Variants in ADCY2 observed in about 807,000 individuals in gnomAD.
The protein encoded by ADCY2 is adenylate cyclase type 2.
In ADCY2, 31 loss-of-function variants were observed where a neutral mutation model predicts 125.2. The observed-to-expected ratio is 0.25, with a 90% CI of 0.19 to 0.33. The LOEUF (loss-of-function observed/expected upper bound fraction) is 0.33, where lower values mean the gene tolerates loss of function less well. Among genes scored for constraint, ADCY2 ranks in the 10% least tolerant of loss-of-function variants. The pLI is 1.00. For synonymous variants in ADCY2, 512 were observed against 548.4 expected (o/e 0.93, Z 0.93); for missense variants, 904 against 1,418.2 (o/e 0.64, Z 5.82).
intron 4 of ADCY2, among the ~76,000 whole-genome samples, chr5:7,675,229 T>C (rs982763266): frequency 1.3e-5 from 2 of 151,912 alleles, no homozygotes; most frequent in African/African-American, 2.4e-5. Flanking sequence ...TATAGGGAAG[T>C]TCTACCCAAT....
At chr5:7,424,492 C>T (rs1023851971) in intron 2 of ADCY2, among the ~76,000 whole-genome samples, 6 of 152,216 alleles carry the variant, frequency 3.9e-5, no homozygotes, top group Admixed American at 6.5e-5. Context: ...CTAGGGTGTC[C>T]CCCTCCTGTT....
chr5:7,726,639 A>G (rs777407368), intron 13 of ADCY2, among the ~76,000 whole-genome samples: 9 of 152,196 alleles, frequency 5.9e-5, no homozygotes, highest in Non-Finnish European at 1.3e-4. Flanking sequence ...GCCAGCTAAG[A>G]ACCAAGTTGG....
chr5:7,617,645 A>G (rs2126650081), intron 3 of ADCY2, among the ~76,000 whole-genome samples: 1 of 152,300 alleles, frequency 6.6e-6, no homozygotes, highest in East Asian at 1.9e-4. Context: ...AAAATAATAC[A>G]TGTTCTCTGA....
chr5:7,676,218 T>C (rs549851962), intron 4 of ADCY2, among the ~76,000 whole-genome samples: 2 of 152,346 alleles, frequency 1.3e-5, no homozygotes, highest in Non-Finnish European at 2.9e-5. Context: ...GATCTTCTGC[T>C]CTGTCATAAT....
chr5:7,748,551 CACACACACACACAA>C (rs1446652219), intron 15 of ADCY2, among the ~76,000 whole-genome samples: 36 of 151,918 alleles, frequency 2.4e-4, no homozygotes, highest in Non-Finnish European at 4.4e-4. Flanking sequence ...CACACACACA[CACACACACACACAA>C]AATGCTGAAG....
intron 1 of ADCY2, among the ~76,000 whole-genome samples, chr5:7,413,525 C>G (rs1168211111): frequency 2.6e-5 from 4 of 151,858 alleles, no homozygotes; most frequent in African/African-American, 9.7e-5. Context: ...GTCTCGATCT[C>G]CTGACCTTGT....
chr5:7,809,106 A>G (rs555187650), intron 22 of ADCY2, among the ~76,000 whole-genome samples: 2 of 152,228 alleles, frequency 1.3e-5, no homozygotes, highest in Non-Finnish European at 2.9e-5. Flanking sequence ...CATAGTAAGT[A>G]ATAAAAATGC....
At chr5:7,812,793 C>T (rs992614553) in intron 22 of ADCY2, among the ~76,000 whole-genome samples, 2 of 152,156 alleles carry the variant, frequency 1.3e-5, no homozygotes, top group Non-Finnish European at 1.5e-5. Context: ...AACTGTAGTC[C>T]CAGTTACTCG....
intron 7 of ADCY2, among the ~76,000 whole-genome samples, chr5:7,701,226 G>C (rs981187123): frequency 3.4e-4 from 51 of 152,196 alleles, no homozygotes; most frequent in African/African-American, 1.2e-3. Context: ...TTGTGGAAAA[G>C]AGTCTTAGGA....
intron 15 of ADCY2, among the ~76,000 whole-genome samples, chr5:7,751,404 A>G (rs530594594): frequency 6.6e-6 from 1 of 152,230 alleles, no homozygotes; most frequent in East Asian, 1.9e-4. Context: ...TTGTGAGGTT[A>G]TGTTCAGGAG....
chr5:7,620,629 G>C (rs1737922665), intron 3 of ADCY2, among the ~76,000 whole-genome samples: 1 of 152,188 alleles, frequency 6.6e-6, no homozygotes, highest in Non-Finnish European at 1.5e-5. Context: ...AGCCATGTCT[G>C]AGAGATCAGT....
chr5:7,824,696 C>T (rs1745411032), intron 24 of ADCY2, among the ~76,000 whole-genome samples: 1 of 152,160 alleles, frequency 6.6e-6, no homozygotes, highest in South Asian at 2.1e-4. Flanking sequence ...CCCGAGGACC[C>T]ACACGTGGAC....
chr5:7,690,894 A>G (rs1740682700), intron 5 of ADCY2, 55 bp downstream of exon 5: 7 of 1,439,976 alleles, frequency 4.9e-6, no homozygotes, highest in Middle Eastern at 1.9e-4. Flanking sequence ...GACTGGAGAC[A>G]TTTTGCCTGG....
chr5:7,796,380 G>C (rs1251824835), intron 20 of ADCY2: 1 of 152,176 alleles, frequency 6.6e-6, no homozygotes, highest in Non-Finnish European at 1.5e-5. Context: ...ACAATGCTTG[G>C]AAAATGGCAC....
At chr5:7,583,397 G>A (rs910961973) in intron 3 of ADCY2, among the ~76,000 whole-genome samples, 1 of 152,028 alleles carries the variant, frequency 6.6e-6, no homozygotes, top group African/African-American at 2.4e-5. Flanking sequence ...TCTTGTAAAA[G>A]TAGAACAAAG....
At chr5:7,688,661 A>T (rs1226253439) in intron 4 of ADCY2, among the ~76,000 whole-genome samples, 2 of 152,106 alleles carry the variant, frequency 1.3e-5, no homozygotes, top group African/African-American at 4.8e-5. Flanking sequence ...CATACTTTGT[A>T]TGTAATATTT....
intron 3 of ADCY2, among the ~76,000 whole-genome samples, chr5:7,561,083 C>T (rs1015296509): frequency 3.7e-4 from 57 of 152,176 alleles, no homozygotes; most frequent in Non-Finnish European, 7.3e-5. Context: ...GGAAAGGTTA[C>T]GATTATGATT....
chr5:7,547,001 T>G (rs1322967575), intron 3 of ADCY2, among the ~76,000 whole-genome samples: 1 of 152,204 alleles, frequency 6.6e-6, no homozygotes, highest in African/African-American at 2.4e-5. Context: ...TTCCCATCAT[T>G]TTTTAAAGTT....
At chr5:7,814,292 T>A (rs1365502568) in intron 22 of ADCY2, among the ~76,000 whole-genome samples, 2 of 152,198 alleles carry the variant, frequency 1.3e-5, no homozygotes, top group Non-Finnish European at 2.9e-5. Context: ...CATTCATATT[T>A]ATACTGTTTA....
Sources: allele counts gnomAD v4.1 joint callset (sites outside exome capture counted in the v4.1 genomes callset), GRCh38; gene constraint gnomAD v4.1.1; transcripts MANE v1.5; gene names NCBI Gene and HGNC (gene_info 2026-07-23, HGNC 2026-07-21).